Variants in RNF2 observed in about 807,000 individuals in gnomAD.
RNF2 encodes E3 ubiquitin-protein ligase RING2.
A neutral mutation model predicts 37.2 loss-of-function variants in RNF2; 6 were observed. The observed-to-expected ratio is 0.16, with a 90% CI of 0.09 to 0.32. The LOEUF (loss-of-function observed/expected upper bound fraction) is 0.32. Among genes scored for constraint, RNF2 ranks in the 10% least tolerant of loss-of-function variants. The pLI is 1.00. For synonymous variants in RNF2, 133 were observed against 132.7 expected (o/e 1.00, Z -0.02); for missense variants, 251 against 404.0 (o/e 0.62, Z 3.25).
At chr1:185,097,427 T>C (rs1359398505) in intron 4 of RNF2, among the ~76,000 whole-genome samples, 4 of 152,244 alleles carry the variant, frequency 2.6e-5, no homozygotes, top group Admixed American at 2.0e-4. Context: ...CTAAGAACTT[T>C]TACATTTTCA....
At chr1:185,086,286 T>A (rs1387482224) in intron 1 of RNF2, among the ~76,000 whole-genome samples, 1 of 152,134 alleles carries the variant, frequency 6.6e-6, no homozygotes, top group African/African-American at 2.4e-5. Flanking sequence ...CAGTTCTGCT[T>A]GACTAGTGAG....
intron 2 of RNF2, among the ~76,000 whole-genome samples, chr1:185,090,988 A>G (rs1032367468): frequency 2.6e-5 from 4 of 152,234 alleles, no homozygotes; most frequent in Admixed American, 2.0e-4. Context: ...GAAGCTGACT[A>G]CTTTGTATAA....
chr1:185,074,910 G>A (rs1024874503), intron 1 of RNF2, among the ~76,000 whole-genome samples: 1 of 152,118 alleles, frequency 6.6e-6, no homozygotes, highest in African/African-American at 2.4e-5. Context: ...TTTTGGTATC[G>A]GGGAGGGGGA....
At chr1:185,082,364 T>TTTTTTG (rs1173750596) in intron 1 of RNF2, among the ~76,000 whole-genome samples, 4 of 114,886 alleles carry the variant, frequency 3.5e-5, no homozygotes, top group Non-Finnish European at 5.7e-5. Flanking sequence ...TTTTTTTTTT[T>TTTTTTG]TTTGAAGACA....
At chr1:185,088,241 T>A (rs1049396657) in intron 2 of RNF2, among the ~76,000 whole-genome samples, 6 of 152,124 alleles carry the variant, frequency 3.9e-5, no homozygotes, top group African/African-American at 1.2e-4. Context: ...CAGAGCTGTT[T>A]CAACATTTAG....
At chr1:185,098,909 GC>G (rs1441741265) in intron 5 of RNF2, among the ~76,000 whole-genome samples, 2 of 151,450 alleles carry the variant, frequency 1.3e-5, no homozygotes, top group African/African-American at 4.9e-5. Flanking sequence ...ATGCCACCAA[GC>G]CCAGCTAATT....
At chr1:185,093,023 A>G in intron 3 of RNF2, 38 bp from the exon 4 acceptor site, 1 of 1,582,906 alleles carries the variant, frequency 6.3e-7, no homozygotes, top group Non-Finnish European at 8.7e-7. Context: ...CAAAGATACT[A>G]GCATTGTTTA....
chr1:185,091,810 T>C, intron 3 of RNF2, 71 bp downstream of exon 3: 2 of 1,372,690 alleles, frequency 1.5e-6, no homozygotes, highest in Admixed American at 4.4e-5. Context: ...GTTTGAGAAA[T>C]ACATTTTCTT....
At chr1:185,047,479 C>T (rs1650152929) in intron 1 of RNF2, among the ~76,000 whole-genome samples, 2 of 152,148 alleles carry the variant, frequency 1.3e-5, no homozygotes, top group African/African-American at 2.4e-5. Context: ...TGTGGTGTCA[C>T]GTCTGTGTCT....
At chr1:185,051,821 CACAT>C (rs1650279883) in intron 1 of RNF2, among the ~76,000 whole-genome samples, 1 of 148,768 alleles carries the variant, frequency 6.7e-6, no homozygotes, top group Admixed American at 6.7e-5. Flanking sequence ...TATATATACA[CACAT>C]TTTATGTATA....
At chr1:185,073,862 A>G (rs1651062193) in intron 1 of RNF2, among the ~76,000 whole-genome samples, 3 of 152,216 alleles carry the variant, frequency 2.0e-5, no homozygotes, top group Admixed American at 1.3e-4. Context: ...TGGGTGTCCA[A>G]CAGTTGATTC....
intron 1 of RNF2, among the ~76,000 whole-genome samples, chr1:185,077,229 G>A (rs551914492): frequency 3.8e-4 from 58 of 151,810 alleles, no homozygotes; most frequent in African/African-American, 1.4e-3. Context: ...TTTATAGTTA[G>A]CTATCATTAT....
chr1:185,065,139 A>G (rs1270667667), intron 1 of RNF2, among the ~76,000 whole-genome samples: 1 of 152,100 alleles, frequency 6.6e-6, no homozygotes, highest in African/African-American at 2.4e-5. Context: ...CTCTTTGTCT[A>G]GCTAAAGGAT....
At chr1:185,100,053 T>C in intron 6 of RNF2, 91 bp downstream of exon 6, 1 of 1,330,866 alleles carries the variant, frequency 7.5e-7, no homozygotes. Flanking sequence ...TAATAAATAA[T>C]GTAAAAAACC....
chr1:185,080,255 A>G (rs919711496), intron 1 of RNF2, among the ~76,000 whole-genome samples: 13 of 152,308 alleles, frequency 8.5e-5, no homozygotes, highest in African/African-American at 2.9e-4. Context: ...GTTCATTGAA[A>G]TCACTTTTCA....
At chr1:185,085,647 T>C (rs1433141410) in intron 1 of RNF2, among the ~76,000 whole-genome samples, 1 of 151,920 alleles carries the variant, frequency 6.6e-6, no homozygotes, top group East Asian at 1.9e-4. Context: ...CATGTCACTC[T>C]CCTGTTTAAA....
At chr1:185,047,205 A>T (rs919192785) in intron 1 of RNF2, among the ~76,000 whole-genome samples, 2 of 152,228 alleles carry the variant, frequency 1.3e-5, no homozygotes, top group African/African-American at 4.8e-5. Flanking sequence ...GAGGTTAATT[A>T]TAGTAGAGGC....
At chr1:185,052,890 G>A (rs1650311506) in intron 1 of RNF2, among the ~76,000 whole-genome samples, 3 of 152,212 alleles carry the variant, frequency 2.0e-5, no homozygotes, top group Non-Finnish European at 2.9e-5. Flanking sequence ...GTGATAATAA[G>A]AGATGGCTGT....
rs890197119 is a variant in RNF2 at position 185,102,534 on chromosome 1, T to G, written c.*2233T>G. 1 of 152,200 alleles carries G rather than the reference T, an allele frequency of 6.6e-6. No homozygotes were observed. The highest frequency in any genetic ancestry group is 1.5e-5 in the Non-Finnish European group (1 of 68,008). The allele number at this position is 152,200 out of a possible 1,614,324, so 9.4% of individuals were successfully genotyped here. A position where few individuals can be genotyped will look rare whatever the true frequency, so the allele number is the denominator to read the frequency against. On this transcript the variant is annotated 3_prime_UTR_variant, in exon 7 of 7. Coordinates refer to ENST00000367510, the MANE Select transcript of RNF2 (RefSeq NM_007212.4). ...TGTAATGATCACCGCTGTCTACTTGTAAAACTTTTTCATCACCCCAAACAG... is the reference window on the plus strand; with the variant it reads ...TGTAATGATCACCGCTGTCTACTTGGAAAACTTTTTCATCACCCCAAACAG...
Sources: gnomAD v4.1 joint callset for allele counts (sites outside exome capture counted in the v4.1 genomes callset) on GRCh38, gnomAD v4.1.1 for gene constraint, MANE v1.5 for transcripts, NCBI Gene and HGNC (gene_info 2026-07-23, HGNC 2026-07-21) for gene names.